XPOT: variants seen among roughly 807,000 people sequenced by gnomAD.
XPOT encodes exportin for tRNA.
In XPOT, 34 loss-of-function variants were observed where a neutral mutation model predicts 128.2. That is an observed-to-expected ratio of 0.27 (90% CI 0.20 to 0.35). The LOEUF is 0.35. XPOT is among the 10% of genes least tolerant of loss of function. The pLI, the probability that XPOT is intolerant of heterozygous loss-of-function variation, is 1.00. For missense variants in XPOT, 838 were observed against 1,125.3 expected (o/e 0.74, Z 3.65); for synonymous variants, 348 against 394.3 (o/e 0.88, Z 1.39).
chr12:64,439,226 G>C lies in XPOT; in HGVS notation c.2734-18G>C, dbSNP rs199539615. 1 of 1,611,474 alleles carries C rather than the reference G, an allele frequency of 6.2e-7. No homozygotes were observed. Among genetic ancestry groups the C allele is most frequent in the African/African-American group, 1.3e-5 (1 of 74,924 alleles). Reference sequence around the variant, plus strand: ...ATGTCAAGCAAGAAAATAGTTGTAAGTATCTTTTAATCTTCAGGGCCCAGA... The same window carrying C: ...ATGTCAAGCAAGAAAATAGTTGTAACTATCTTTTAATCTTCAGGGCCCAGA... On this transcript the variant is annotated intron_variant, in intron 22 of 24. Coordinates refer to ENST00000332707, the MANE Select transcript of XPOT (RefSeq NM_007235.6).
intron 18 of XPOT, among the ~76,000 whole-genome samples, chr12:64,432,973 T>C (rs558938364): frequency 6.6e-6 from 1 of 152,298 alleles, no homozygotes; most frequent in Non-Finnish European, 1.5e-5. Flanking sequence ...GGAGTCTTGC[T>C]GTGTTGCCCA....
At chr12:64,408,495 AGTTT>A (rs2040003530) in intron 1 of XPOT, among the ~76,000 whole-genome samples, 1 of 152,172 alleles carries the variant, frequency 6.6e-6, no homozygotes, top group Non-Finnish European at 1.5e-5. Context: ...CATCATTTAG[AGTTT>A]GTTCCATGTT....
In XPOT at chr12:64,423,050, G is replaced by C; in HGVS notation, c.1119+7G>C. The C allele has an allele frequency of 6.2e-7, 1 of 1,612,860 alleles. No homozygotes were observed. The highest frequency in any genetic ancestry group is 8.5e-7 in the Non-Finnish European group (1 of 1,179,748). ...GCAAAAAGCTAATGTAGAGGTAATT[G>C]ACTTTATGCTTCTTTTAAACCAATG... On this transcript the variant is annotated splice_region_variant and intron_variant, in intron 10 of 24. Transcript: ENST00000332707.
chr12:64,408,102 C>G (rs1235058902), intron 1 of XPOT, among the ~76,000 whole-genome samples: 1 of 152,072 alleles, frequency 6.6e-6, no homozygotes, highest in African/African-American at 2.4e-5. Flanking sequence ...AAACAAAAAG[C>G]CCCACAGCCT....
Position 64,448,061 on chromosome 12 carries a change from A to G in XPOT, c.2863-44A>G, listed in dbSNP as rs765561983. 5 of 1,577,346 alleles carry G rather than the reference A, an allele frequency of 3.2e-6. No individual in the cohort carries two copies. The South Asian group carries it at 3.3e-5, about 11-fold the overall frequency. On this transcript the variant is annotated intron_variant, in intron 24 of 24. Transcript: ENST00000332707. ...GAGCCATTCTTCAGGTGAAAGTGAT[A>G]TCTTCTGACATTAGTATTGATTGCA... is the stretch of plus-strand genomic sequence containing the variant.
At chr12:64,447,997 TA>T in intron 24 of XPOT, 107 bp from the exon 25 acceptor site, 1 of 1,020,820 alleles carries the variant, frequency 9.8e-7, no homozygotes, top group Non-Finnish European at 1.5e-6. Flanking sequence ...CGAAATGTTC[TA>T]ATGTTACAGA....
intron 1 of XPOT, among the ~76,000 whole-genome samples, chr12:64,408,312 T>C (rs774609785): frequency 3.9e-5 from 6 of 152,124 alleles, no homozygotes; most frequent in Non-Finnish European, 7.3e-5. Flanking sequence ...TTTACCATGT[T>C]GGCCAGGCTG....
chr12:64,419,194 A>G, intron 6 of XPOT, 100 bp downstream of exon 6: 2 of 906,188 alleles, frequency 2.2e-6, no homozygotes, highest in Non-Finnish European at 3.3e-6. Context: ...TCTTGAGGTA[A>G]ACTTTCTTAA....
At chr12:64,443,271 A>G (rs1592341945) in intron 23 of XPOT, 1 of 152,278 alleles carries the variant, frequency 6.6e-6, no homozygotes, top group Admixed American at 6.5e-5. Context: ...GAACACTACT[A>G]CATCACCCTG....
At chr12:64,425,531 T>C in intron 14 of XPOT, 74 bp downstream of exon 14, 7 of 1,541,588 alleles carry the variant, frequency 4.5e-6, no homozygotes, top group Non-Finnish European at 6.1e-6. Flanking sequence ...TGTATTTTTC[T>C]GTCTATAACT....
intron 19 of XPOT, 82 bp downstream of exon 19, chr12:64,433,685 G>A (rs1300530142): frequency 1.3e-5 from 17 of 1,334,696 alleles, no homozygotes; most frequent in Admixed American, 5.7e-5. Context: ...GCAAACTGAA[G>A]TAAATACAGA....
intron 1 of XPOT, among the ~76,000 whole-genome samples, chr12:64,407,166 G>A (rs1353695960): frequency 3.3e-5 from 5 of 152,100 alleles, no homozygotes; most frequent in Non-Finnish European, 5.9e-5. Context: ...ACATAGTGAT[G>A]GATAGTCAAG....
At chr12:64,444,652 T>TGG (rs1428486208) in intron 23 of XPOT, among the ~76,000 whole-genome samples, 1 of 151,632 alleles carries the variant, frequency 6.6e-6, no homozygotes, top group Non-Finnish European at 1.5e-5. Context: ...TAGGGGAAAA[T>TGG]GGGGAGTTCT....
At chr12:64,439,066 G>A (rs1400337281) in intron 22 of XPOT, among the ~76,000 whole-genome samples, 178 bp from the exon 23 acceptor site, 1 of 152,192 alleles carries the variant, frequency 6.6e-6, no homozygotes, top group Non-Finnish European at 1.5e-5. Context: ...AGAACTTAAA[G>A]TATAATTTTA....
In XPOT at chr12:64,404,454, T is replaced by C. The variant is rs896351038; in HGVS notation, c.-425T>C. The C allele has an allele frequency of 9.6e-5, 15 of 155,980 alleles. No individual in the cohort carries two copies. In the East Asian group the frequency reaches 2.4e-3, roughly 25 times the overall value. 9.7% of individuals were successfully genotyped at this position (155,980 alleles called of 1,614,324 possible). ...GCGGCACCGACGCGGGGAGCGCGCT[T>C]CGCGCTGACTCAGCGGCGGCGGCGG... is the stretch of plus-strand genomic sequence containing the variant. On this transcript the variant is annotated 5_prime_UTR_variant, in exon 1 of 25. Coordinates refer to ENST00000332707, the MANE Select transcript of XPOT (RefSeq NM_007235.6).
At chr12:64,445,258 T>C (rs2040359063) in intron 24 of XPOT, 127 bp downstream of exon 24, 1 of 675,844 alleles carries the variant, frequency 1.5e-6, no homozygotes, top group Non-Finnish European at 2.4e-6. Flanking sequence ...TGAAAAAGAG[T>C]ATAAGTTAGG....
Position 64,414,477 on chromosome 12 carries a change from C to T in XPOT, c.61-430C>T, listed in dbSNP as rs779037829. On this transcript the variant is annotated intron_variant, in intron 2 of 24. Transcript: ENST00000332707. ...AGTATGTTTTATCTTTTATAATCAC[C>T]GCTTTAATAGCAGATGTGCTATTAA... Among the ~76,000 whole-genome samples, 5 of 152,038 alleles carry T rather than the reference C, an allele frequency of 3.3e-5. No homozygotes were observed. The East Asian group carries it at 5.8e-4, about 18-fold the overall frequency.
Position 64,421,454 on chromosome 12 carries a change from C to T in XPOT, c.1063C>T (p.Leu355Phe), listed in dbSNP as rs1326321064. The T allele has an allele frequency of 2.5e-6, 4 of 1,610,738 alleles. No homozygotes were observed. Among genetic ancestry groups the T allele is most frequent in the Non-Finnish European group, 3.4e-6 (4 of 1,177,130 alleles). Residue 355 changes from leucine to phenylalanine, a missense_variant, in exon 9 of 25, where the codon CTT (leucine) becomes TTT (phenylalanine). This residue lies in a region of XPOT where 761 missense variants were observed against 988.3 expected (regional missense o/e 0.77). Coordinates refer to ENST00000332707, the MANE Select transcript of XPOT (RefSeq NM_007235.6). ...TATTATTGGATTTTGTTACGATTATCTTCATATTTTGAAACAGGTAAGTTT... is the reference window on the plus strand; with the variant it reads ...TATTATTGGATTTTGTTACGATTATTTTCATATTTTGAAACAGGTAAGTTT... Reference protein sequence around the residue: ...SNIIGFCYDYLHILKQLTVLS... With the variant: ...SNIIGFCYDYFHILKQLTVLS...
At chr12:64,422,975 C>A in intron 9 of XPOT, 30 bp from the exon 10 acceptor site, 1 of 1,603,482 alleles carries the variant, frequency 6.2e-7, no homozygotes. Flanking sequence ...CTTTAGAAAA[C>A]CTAATAAGTT....
Sources: gnomAD v4.1 joint callset for allele counts (sites outside exome capture counted in the v4.1 genomes callset) on GRCh38, gnomAD v4.1.1 for gene constraint, gnomAD v4.1.1 regional missense constraint, MANE v1.5 for transcripts, NCBI Gene and HGNC (gene_info 2026-07-23, HGNC 2026-07-21) for gene names.